The following COL15A1 variants were observed in gnomAD, a reference collection of about 807,000 sequenced individuals.
COL15A1 encodes the protein collagen alpha-1(XV) chain.
A neutral mutation model predicts 165.9 loss-of-function variants in COL15A1; 111 were observed. The ratio of observed to expected loss-of-function variants is 0.67; its 90% confidence interval spans 0.57 to 0.78. The LOEUF (loss-of-function observed/expected upper bound fraction) is 0.78, where lower values mean the gene tolerates loss of function less well. Ranked by LOEUF, COL15A1 falls within the 30% of genes least tolerant of loss-of-function variation. The pLI, the probability that COL15A1 is intolerant of heterozygous loss-of-function variation, is 0.00. For missense variants in COL15A1, 1,745 were observed against 1,789.7 expected (o/e 0.98, Z 0.45); for synonymous variants, 659 against 674.8 (o/e 0.98, Z 0.36).
chr9:98,963,468 T>A (rs1837897577), intron 2 of COL15A1, among the ~76,000 whole-genome samples: 2 of 152,220 alleles, frequency 1.3e-5, no homozygotes, highest in Non-Finnish European at 2.9e-5. Context: ...TTCCTTGTTC[T>A]AGAACTGGGT....
rs1368132456 is a variant in COL15A1, at chr9:98,943,940, C to T, written c.-122C>T. 1.4e-6 allele frequency: 2 copies of T among 1,409,114 alleles called. No homozygotes were observed. Among genetic ancestry groups the T allele is most frequent in the African/African-American group, 2.9e-5 (2 of 68,928 alleles). 87.3% of individuals were successfully genotyped at this position (1,409,114 alleles called of 1,614,324 possible). A position where few individuals can be genotyped will look rare whatever the true frequency, so the allele number is the denominator to read the frequency against. The stretch of plus-strand genomic sequence containing the variant: ...CGCCGCCGCCGCTGCCGAGCGCCGC[C>T]TTTGTTCCCTGCAGGAAGGGCGAGC... On this transcript the variant is annotated 5_prime_UTR_variant, in exon 1 of 42. Coordinates refer to ENST00000375001, the MANE Select transcript of COL15A1 (RefSeq NM_001855.5).
At chr9:99,032,206 A>G (rs1250921610) in intron 16 of COL15A1, among the ~76,000 whole-genome samples, 1 of 151,564 alleles carries the variant, frequency 6.6e-6, no homozygotes, top group Non-Finnish European at 1.5e-5. Flanking sequence ...TTTTTAATTT[A>G]TTTTTATTTA....
intron 11 of COL15A1, among the ~76,000 whole-genome samples, chr9:99,018,317 T>A (rs1055212171): frequency 5.1e-4 from 77 of 152,372 alleles, no homozygotes; most frequent in African/African-American, 1.8e-3. Flanking sequence ...CATTAATCTG[T>A]TGAAGAAACT....
At chr9:98,970,313 G>A (rs1366539921) in intron 2 of COL15A1, among the ~76,000 whole-genome samples, 1 of 152,198 alleles carries the variant, frequency 6.6e-6, no homozygotes, top group Non-Finnish European at 1.5e-5. Context: ...TAGAGGGATC[G>A]TGGAATTCAG....
chr9:99,041,532 A>G (rs888340945), intron 23 of COL15A1, among the ~76,000 whole-genome samples: 1 of 152,128 alleles, frequency 6.6e-6, no homozygotes, highest in South Asian at 2.1e-4. Flanking sequence ...GTGCTGGTGC[A>G]GAAGCAATGG....
chr9:98,985,808 A>G lies in COL15A1; in HGVS notation c.344A>G (p.Gln115Arg). Reference protein sequence around the residue: ...GVLFAITDAFQKVIYLGLRLS... With the variant: ...GVLFAITDAFRKVIYLGLRLS... ...CTCTTCGCCATCACTGACGCCTTCCAGAAGGTCATCTACCTGGGCCTGCGG... is the reference window on the plus strand; with the variant it reads ...CTCTTCGCCATCACTGACGCCTTCCGGAAGGTCATCTACCTGGGCCTGCGG... Residue 115 changes from glutamine (Q) to arginine (R), a missense_variant, in exon 3 of 42, where the codon CAG (glutamine) becomes CGG (arginine). Coordinates refer to ENST00000375001, the MANE Select transcript of COL15A1 (RefSeq NM_001855.5). 6.2e-7 allele frequency: 1 copy of G among 1,614,018 alleles called. No individual in the cohort carries two copies. The highest frequency in any genetic ancestry group is 8.5e-7 in the Non-Finnish European group (1 of 1,180,034).
chr9:98,955,092 C>A (rs893387032), intron 2 of COL15A1, among the ~76,000 whole-genome samples: 14 of 152,226 alleles, frequency 9.2e-5, no homozygotes, highest in Admixed American at 1.3e-4. Context: ...GGTGCCCAGT[C>A]CTCCAGCTCT....
chr9:99,024,362 G>A (rs1480483666), intron 14 of COL15A1, among the ~76,000 whole-genome samples: 1 of 147,392 alleles, frequency 6.8e-6, no homozygotes. Flanking sequence ...CTCACTGCAA[G>A]CTCCACCTCC....
chr9:99,040,806 CCT>C, intron 23 of COL15A1: 1 of 568,676 alleles, frequency 1.8e-6, no homozygotes, highest in Non-Finnish European at 3.0e-6. Context: ...AGCATGAGCC[CCT>C]GAGCCTGGCT....
chr9:99,005,982 G>A (rs1805316483), intron 9 of COL15A1, among the ~76,000 whole-genome samples: 2 of 152,142 alleles, frequency 1.3e-5, no homozygotes, highest in South Asian at 4.1e-4. Flanking sequence ...CGTCCTCTCT[G>A]CCTCTCAGCA....
chr9:98,995,400 C>G (rs112910462), intron 5 of COL15A1, among the ~76,000 whole-genome samples: 2 of 152,162 alleles, frequency 1.3e-5, no homozygotes, highest in Non-Finnish European at 2.9e-5. Flanking sequence ...CTGCCACCAG[C>G]GAGGACTCTC....
chr9:99,038,174 CAT>C (rs1477686310), intron 21 of COL15A1, among the ~76,000 whole-genome samples: 1 of 152,064 alleles, frequency 6.6e-6, no homozygotes, highest in Non-Finnish European at 1.5e-5. Flanking sequence ...AAGGTAATCT[CAT>C]GTGCTTCTGG....
At chr9:98,959,989 C>T (rs915445494) in intron 2 of COL15A1, among the ~76,000 whole-genome samples, 1 of 152,178 alleles carries the variant, frequency 6.6e-6, no homozygotes, top group Non-Finnish European at 1.5e-5. Context: ...TTCTCCAAGC[C>T]TTTGCTTGCG....
chr9:98,982,754 A>G (rs1419448635), intron 2 of COL15A1, among the ~76,000 whole-genome samples: 2 of 151,690 alleles, frequency 1.3e-5, no homozygotes, highest in East Asian at 3.9e-4. Flanking sequence ...CAATCCTGCC[A>G]CCTCAACCTC....
At chr9:98,958,983 C>T (rs1372255770) in intron 2 of COL15A1, among the ~76,000 whole-genome samples, 1 of 152,080 alleles carries the variant, frequency 6.6e-6, no homozygotes, top group Non-Finnish European at 1.5e-5. Flanking sequence ...GAATGGTATG[C>T]AGCTCAGTTT....
At chr9:98,961,685 G>C (rs557209549) in intron 2 of COL15A1, among the ~76,000 whole-genome samples, 1 of 152,270 alleles carries the variant, frequency 6.6e-6, no homozygotes, top group South Asian at 2.1e-4. Context: ...CCCTCGGTCA[G>C]TCCTGCAGCA....
chr9:98,964,099 A>G (rs1034768614), intron 2 of COL15A1, among the ~76,000 whole-genome samples: 1 of 152,250 alleles, frequency 6.6e-6, no homozygotes, highest in Admixed American at 6.5e-5. Flanking sequence ...GTGGCTGAGC[A>G]GGGACTTACA....
intron 5 of COL15A1, among the ~76,000 whole-genome samples, chr9:98,993,450 C>G (rs1838484487): frequency 6.6e-6 from 1 of 152,162 alleles, no homozygotes; most frequent in Admixed American, 6.5e-5. Flanking sequence ...TGCCTCGAGG[C>G]CTGATGGTCC....
intron 9 of COL15A1, among the ~76,000 whole-genome samples, chr9:99,014,040 T>C (rs1838889826): frequency 6.6e-6 from 1 of 152,138 alleles, no homozygotes; most frequent in South Asian, 2.1e-4. Context: ...TTGTTACCCA[T>C]AATTTAGAAT....
Sources: gnomAD v4.1 joint callset for allele counts (sites outside exome capture counted in the v4.1 genomes callset) on GRCh38, gnomAD v4.1.1 for gene constraint, MANE v1.5 for transcripts, NCBI Gene and HGNC (gene_info 2026-07-23, HGNC 2026-07-21) for gene names.